The following USP30 variants were observed in gnomAD, a reference collection of about 807,000 sequenced individuals.
USP30 encodes ubiquitin specific peptidase 30.
In USP30, 41 loss-of-function variants were observed where a neutral mutation model predicts 68.2. The observed-to-expected ratio is 0.60, with a 90% CI of 0.47 to 0.78. The LOEUF (loss-of-function observed/expected upper bound fraction) is 0.78. Among genes scored for constraint, USP30 ranks in the 30% least tolerant of loss-of-function variants. The pLI, the probability that USP30 is intolerant of heterozygous loss-of-function variation, is 0.00. For missense variants in USP30, 522 were observed against 649.4 expected (o/e 0.80, Z 2.13); for synonymous variants, 229 against 253.7 (o/e 0.90, Z 0.93).
At chr12:109,082,120 G>C in intron 9 of USP30, 101 bp downstream of exon 9, 1 of 1,243,490 alleles carries the variant, frequency 8.0e-7, no homozygotes, top group Non-Finnish European at 1.2e-6. Context: ...GTATCCAGTG[G>C]GTCTTTTCAG....
chr12:109,024,535 G>A (rs2040430080), intron 1 of USP30, among the ~76,000 whole-genome samples: 1 of 152,140 alleles, frequency 6.6e-6, no homozygotes, highest in African/African-American at 2.4e-5. Context: ...TGGGATTGCA[G>A]GCTTGAGCCA....
At chr12:109,064,919 A>G (rs1280806865) in intron 3 of USP30, among the ~76,000 whole-genome samples, 1 of 152,120 alleles carries the variant, frequency 6.6e-6, no homozygotes, top group Non-Finnish European at 1.5e-5. Context: ...TGGGAGAAAG[A>G]TGTGGTTCAT....
At chr12:109,082,044 T>C (rs940672855) in intron 9 of USP30, 25 bp downstream of exon 9, 16 of 1,612,728 alleles carry the variant, frequency 9.9e-6, no homozygotes, top group African/African-American at 1.3e-5. Flanking sequence ...CCAAATGTCA[T>C]CGCCAGCTGG....
chr12:109,056,090 G>A (rs1175901224), intron 1 of USP30, among the ~76,000 whole-genome samples: 1 of 152,194 alleles, frequency 6.6e-6, no homozygotes, highest in Admixed American at 6.5e-5. Context: ...ATGTGGAAGT[G>A]GAGTGAGAGG....
rs573189225 is a variant in USP30 at position 109,075,379 on chromosome 12, C to T, written c.720+1847C>T. On this transcript the variant is annotated intron_variant, in intron 7 of 12. Coordinates refer to ENST00000257548, the MANE Select transcript of USP30 (RefSeq NM_032663.5). ...TGTCTTTTTTTTTCAGACAGAGTCT[C>T]GCTCTGCTGCACCCAAACTAGAGTG... is the stretch of plus-strand genomic sequence containing the variant. 1.2e-4 allele frequency among the ~76,000 whole-genome samples: 19 copies of T among 152,236 alleles called. No individual in the cohort carries two copies. In the East Asian group the frequency reaches 3.1e-3, roughly 25 times the overall value.
At chr12:109,051,904 A>T (rs2040681560), upstream of USP30, among the ~76,000 whole-genome samples, 1 of 152,122 alleles carries the variant, frequency 6.6e-6, no homozygotes, top group Admixed American at 6.6e-5. Flanking sequence ...TGGCTACTGG[A>T]AAATGTAAAA....
intron 9 of USP30, 80 bp downstream of exon 9, chr12:109,082,099 C>A: frequency 6.9e-7 from 1 of 1,443,970 alleles, no homozygotes; most frequent in Non-Finnish European, 9.7e-7. Flanking sequence ...TGACCCTGAG[C>A]TCTTCTGACT....
At chr12:109,050,257 G>A (rs2135685346), upstream of USP30, among the ~76,000 whole-genome samples, 1 of 152,266 alleles carries the variant, frequency 6.6e-6, no homozygotes, top group Non-Finnish European at 1.5e-5. Flanking sequence ...TCACGCCACT[G>A]CACTCCAGCC....
Position 109,084,985 on chromosome 12 carries a change from A to T in USP30, c.1201A>T (p.Ile401Phe). ...TCAGCCAGGGGCCCCCAAAACACAG[A>T]TTTTTATGAATGGCGCCTGCTCCCC... ...LNQPGAPKTQIFMNGACSPSL... is the reference protein window; with the variant it reads ...LNQPGAPKTQFFMNGACSPSL... Residue 401 changes from isoleucine (I) to phenylalanine (F), a missense_variant, in exon 12 of 13, where the codon ATT becomes TTT. Transcript: ENST00000257548. 1 of 1,603,738 alleles carries T rather than the reference A, an allele frequency of 6.2e-7. No homozygotes were observed. The highest frequency in any genetic ancestry group is 8.5e-7 in the Non-Finnish European group (1 of 1,173,932).
chr12:109,085,006 T>C lies in USP30; in HGVS notation c.1222T>C (p.Ser408Pro). The change falls in exon 12 of 13, where the codon TCC becomes CCC. Residue 408 changes from serine to proline, a missense_variant. Ser to Pro is a moderately conservative substitution (Grantham distance 74). Coordinates refer to ENST00000257548, the MANE Select transcript of USP30 (RefSeq NM_032663.5). Reference protein sequence around the residue: ...KTQIFMNGACSPSLLPTLSAP... With the variant: ...KTQIFMNGACPPSLLPTLSAP... Reference sequence around the variant, plus strand: ...ACAGATTTTTATGAATGGCGCCTGCTCCCCATCTTTATTGCCAACGCTGTC... The same window carrying C: ...ACAGATTTTTATGAATGGCGCCTGCCCCCCATCTTTATTGCCAACGCTGTC... 6.2e-7 allele frequency: 1 copy of C among 1,606,782 alleles called. No individual in the cohort carries two copies. The highest frequency in any genetic ancestry group is 8.5e-7 in the Non-Finnish European group (1 of 1,175,724).
At chr12:109,068,908 A>G (rs146457884) in intron 4 of USP30, among the ~76,000 whole-genome samples, 4 of 152,324 alleles carry the variant, frequency 2.6e-5, no homozygotes, top group African/African-American at 7.2e-5. Flanking sequence ...GATCCAGTCA[A>G]TCAGGAGCAG....
At chr12:109,030,028 G>A (rs2040469934) in intron 3 of USP30, among the ~76,000 whole-genome samples, 1 of 152,144 alleles carries the variant, frequency 6.6e-6, no homozygotes, top group Admixed American at 6.5e-5. Context: ...TGAAATACGT[G>A]TTGAACTATA....
intron 4 of USP30, among the ~76,000 whole-genome samples, chr12:109,071,039 A>G (rs1050206437): frequency 6.6e-6 from 1 of 152,186 alleles, no homozygotes; most frequent in Non-Finnish European, 1.5e-5. Flanking sequence ...AAAGACCAAC[A>G]CTGTATGATT....
chr12:109,058,949 G>A (rs574652337), intron 3 of USP30, among the ~76,000 whole-genome samples: 1 of 152,304 alleles, frequency 6.6e-6, no homozygotes, highest in South Asian at 2.1e-4. Context: ...CACTTTTCTG[G>A]AAAGCAGTTT....
chr12:109,074,417 A>G (rs2041533925), intron 7 of USP30, among the ~76,000 whole-genome samples: 1 of 152,186 alleles, frequency 6.6e-6, no homozygotes, highest in African/African-American at 2.4e-5. Context: ...CTTATATGGT[A>G]ACTCTTTTGT....
intron 1 of USP30, chr12:109,053,742 C>T: frequency 3.8e-6 from 1 of 262,514 alleles, no homozygotes; most frequent in Non-Finnish European, 7.6e-6. Context: ...CCCCACCACT[C>T]TCCTCGTGAT....
At chr12:109,051,715 G>T (rs1167810905), upstream of USP30, among the ~76,000 whole-genome samples, 2 of 151,334 alleles carry the variant, frequency 1.3e-5, no homozygotes, top group African/African-American at 4.9e-5. Context: ...AATTACAGGA[G>T]CCTGCCACCA....
At chr12:109,028,852 A>G (rs1479251425) in intron 3 of USP30, among the ~76,000 whole-genome samples, 1 of 152,206 alleles carries the variant, frequency 6.6e-6, no homozygotes, top group Non-Finnish European at 1.5e-5. Context: ...CCATTCATGA[A>G]GGATCCACCC....
At chr12:109,042,663 T>G (rs958570809) in intron 3 of USP30, among the ~76,000 whole-genome samples, 2 of 152,190 alleles carry the variant, frequency 1.3e-5, no homozygotes, top group African/African-American at 4.8e-5. Context: ...GGTGAGAGAC[T>G]AAAAGCTTTT....
Sources: gnomAD v4.1 joint callset for allele counts (sites outside exome capture counted in the v4.1 genomes callset) on GRCh38, gnomAD v4.1.1 for gene constraint, MANE v1.5 for transcripts, NCBI Gene and HGNC (gene_info 2026-07-23, HGNC 2026-07-21) for gene names.